RAB11FIP4: variants seen among roughly 807,000 people sequenced by gnomAD.
RAB11FIP4 encodes the protein rab11 family-interacting protein 4.
RAB11FIP4 carries 23 observed loss-of-function variants against 74.3 expected under a neutral mutation model. The ratio of observed to expected loss-of-function variants is 0.31; its 90% CI spans 0.22 to 0.44. The LOEUF (loss-of-function observed/expected upper bound fraction) is 0.44, where lower values mean the gene tolerates loss of function less well. Among genes scored for constraint, RAB11FIP4 ranks in the 20% least tolerant of loss-of-function variants. The probability of loss-of-function intolerance (pLI) is 1.00; values close to 1 mark genes in which losing one functional copy is unlikely to be tolerated. For synonymous variants in RAB11FIP4, 360 were observed against 359.9 expected, an observed-to-expected ratio of 1.00 and a Z score of 0.00; for missense variants, 630 against 863.9, an observed-to-expected ratio of 0.73 and a Z score of 3.39.
intron 1 of RAB11FIP4, among the ~76,000 whole-genome samples, chr17:31,405,393 G>A (rs1200704950): frequency 6.6e-6 from 1 of 151,016 alleles, no homozygotes; most frequent in East Asian, 1.9e-4. Context: ...TTTTTGAGAC[G>A]GAGTCTCGCT....
intron 1 of RAB11FIP4, among the ~76,000 whole-genome samples, chr17:31,403,837 A>C (rs1216777326): frequency 4.6e-5 from 7 of 151,936 alleles, no homozygotes; most frequent in Non-Finnish European, 1.0e-4. Context: ...GAGTTCCAGA[A>C]ATCTAACATT....
At chr17:31,451,845 C>G (rs2071530390) in intron 3 of RAB11FIP4, among the ~76,000 whole-genome samples, 1 of 151,726 alleles carries the variant, frequency 6.6e-6, no homozygotes, top group South Asian at 2.1e-4. Context: ...CCCATCACTG[C>G]CAGAGCACCC....
intron 3 of RAB11FIP4, among the ~76,000 whole-genome samples, chr17:31,477,532 G>A (rs572143170): frequency 2.6e-5 from 4 of 152,340 alleles, no homozygotes; most frequent in East Asian, 1.9e-4. Context: ...CAGCGCGGGC[G>A]TCAGAGGCGC....
At chr17:31,477,114 C>T (rs1000460293) in intron 3 of RAB11FIP4, among the ~76,000 whole-genome samples, 17 of 152,208 alleles carry the variant, frequency 1.1e-4, no homozygotes, top group South Asian at 4.1e-4. Context: ...CTTCTTCATC[C>T]CAGCATCACT....
At chr17:31,515,728 G>T (rs1036953189) in intron 3 of RAB11FIP4, among the ~76,000 whole-genome samples, 1 of 152,192 alleles carries the variant, frequency 6.6e-6, no homozygotes, top group African/African-American at 2.4e-5. Flanking sequence ...TTGGGAACAG[G>T]TTGACATCTC....
intron 1 of RAB11FIP4, among the ~76,000 whole-genome samples, chr17:31,427,445 C>G (rs893889861): frequency 2.0e-5 from 3 of 152,154 alleles, no homozygotes; most frequent in Admixed American, 6.5e-5. Flanking sequence ...TCAAACAACC[C>G]CACCCCCACC....
chr17:31,452,455 C>T (rs1042897797), intron 3 of RAB11FIP4, among the ~76,000 whole-genome samples: 2 of 152,152 alleles, frequency 1.3e-5, no homozygotes, highest in African/African-American at 4.8e-5. Context: ...TGCAGCTGGG[C>T]TCTCTCGCTT....
Position 31,536,216 on chromosome 17 carries a change from CG to C in RAB11FIP4, c.*4487del, listed in dbSNP as rs2072960032. On this transcript the variant is annotated 3_prime_UTR_variant, in exon 15 of 15. Transcript: ENST00000621161. The stretch of plus-strand genomic sequence containing the variant: ...TTAAACTTAAAAACTAACTCTAGGC[CG>C]GGCACGGTGGCTCACACCTGTAATC... The C allele has an allele frequency of 6.6e-6, 1 of 152,178 alleles. No homozygotes were observed. Among genetic ancestry groups the C allele is most frequent in the Admixed American group, 6.5e-5 (1 of 15,282 alleles). The allele number at this position is 152,178 out of a possible 1,614,324, so 9.4% of individuals were successfully genotyped here. A position where few individuals can be genotyped will look rare whatever the true frequency, so the allele number is the denominator to read the frequency against.
intron 3 of RAB11FIP4, chr17:31,488,316 C>T (rs1204925837): frequency 8.5e-7 from 1 of 1,172,178 alleles, no homozygotes; most frequent in Non-Finnish European, 1.1e-6. Context: ...GCTCCGGCGG[C>T]GCGCACCTGG....
In RAB11FIP4 at chr17:31,521,975, C is replaced by T; in HGVS notation, c.819C>T (p.Tyr273=). 6.2e-7 allele frequency: 1 copy of T among 1,614,206 alleles called. No homozygotes were observed. The highest frequency in any genetic ancestry group is 8.5e-7 in the Non-Finnish European group (1 of 1,180,048). Residue 273 remains tyrosine, a synonymous_variant, in exon 6 of 15, where the codon TAC becomes TAT. Coordinates refer to ENST00000621161, the MANE Select transcript of RAB11FIP4 (RefSeq NM_032932.6). ...ACAACAGCGAATTGCTAGATGTTTA[C>T]TGCTCTCAATGCTGCAAGAAAATCA... ...HVYNSELLDV[Y]CSQCCKKINL...
At chr17:31,523,823 C>T (rs2072713829) in intron 8 of RAB11FIP4, 70 bp from the exon 9 acceptor site, 10 of 1,235,256 alleles carry the variant, frequency 8.1e-6, no homozygotes, top group South Asian at 1.3e-5. Flanking sequence ...TCATGAACCT[C>T]ATGGCGTCGA....
intron 1 of RAB11FIP4, among the ~76,000 whole-genome samples, chr17:31,407,040 ATTTTTTTTT>A (rs59919036): frequency 1.6e-4 from 8 of 51,216 alleles, no homozygotes; most frequent in African/African-American, 3.9e-4. Flanking sequence ...GTTTCACTTG[ATTTTTTTTT>A]TTTTTTTTTT....
intron 3 of RAB11FIP4, among the ~76,000 whole-genome samples, chr17:31,447,239 G>C (rs913823911): frequency 2.0e-5 from 3 of 152,220 alleles, no homozygotes; most frequent in African/African-American, 7.2e-5. Context: ...AGCCGAGATT[G>C]TGCCACTGCA....
Position 31,431,911 on chromosome 17 carries a change from C to T in RAB11FIP4, c.247+11C>T. The T allele has an allele frequency of 1.2e-5, 20 of 1,602,796 alleles. No homozygotes were observed. The highest frequency in any genetic ancestry group is 1.7e-5 in the Non-Finnish European group (20 of 1,171,152). ...TGTTCGCCATGAAAGGTGAGGTCTT[C>T]CCGGGAGGCTTTCCCAGGCGCTCTC... is the stretch of plus-strand genomic sequence containing the variant. On this transcript the variant is annotated intron_variant, in intron 2 of 14. Coordinates refer to ENST00000621161, the MANE Select transcript of RAB11FIP4 (RefSeq NM_032932.6).
At chr17:31,456,136 C>T (rs56177201) in intron 3 of RAB11FIP4, among the ~76,000 whole-genome samples, 20,165 of 152,242 alleles carry the variant, frequency 0.13, 1,929 homozygotes, top group African/African-American at 0.25. Flanking sequence ...TTTATTCTCA[C>T]GGCTCATTGA....
At chr17:31,413,728 G>A (rs1459814613) in intron 1 of RAB11FIP4, among the ~76,000 whole-genome samples, 1 of 151,988 alleles carries the variant, frequency 6.6e-6, no homozygotes, top group African/African-American at 2.4e-5. Context: ...TCTCCTCTGG[G>A]CCCCAAAACT....
At chr17:31,402,592 ATTTATT>A (rs2070997674) in intron 1 of RAB11FIP4, among the ~76,000 whole-genome samples, 2 of 128,404 alleles carry the variant, frequency 1.6e-5, no homozygotes, top group South Asian at 2.5e-4. Context: ...AGATTATTTT[ATTTATT>A]TTTATTTATT....
chr17:31,440,601 T>C (rs2071398613), intron 3 of RAB11FIP4, among the ~76,000 whole-genome samples: 1 of 152,150 alleles, frequency 6.6e-6, no homozygotes, highest in African/African-American at 2.4e-5. Flanking sequence ...AAACCCCATC[T>C]CTACTAAAAA....
At chr17:31,413,110 G>A (rs1290477150) in intron 1 of RAB11FIP4, among the ~76,000 whole-genome samples, 1 of 152,156 alleles carries the variant, frequency 6.6e-6, no homozygotes, top group Non-Finnish European at 1.5e-5. Context: ...CTCATTTTCT[G>A]GGGAATGGAG....
Sources: allele counts gnomAD v4.1 joint callset (sites outside exome capture counted in the v4.1 genomes callset), GRCh38; gene constraint gnomAD v4.1.1; transcripts MANE v1.5; gene names NCBI Gene and HGNC (gene_info 2026-07-23, HGNC 2026-07-21).